SLC39A14: variants seen among roughly 807,000 people sequenced by gnomAD.
SLC39A14 encodes metal cation symporter ZIP14.
SLC39A14 carries 19 observed loss-of-function variants against 45.5 expected under a neutral mutation model. The ratio of observed to expected loss-of-function variants is 0.42; its 90% CI spans 0.29 to 0.61. The LOEUF (loss-of-function observed/expected upper bound fraction) is 0.61, where lower values mean the gene tolerates loss of function less well. Among genes scored for constraint, SLC39A14 ranks in the 20% least tolerant of loss-of-function variants. The probability of loss-of-function intolerance (pLI) is 0.22; values close to 1 mark genes in which losing one functional copy is unlikely to be tolerated. For synonymous variants in SLC39A14, 264 were observed against 251.3 expected (o/e 1.05, Z -0.48); for missense variants, 447 against 616.5 (o/e 0.73, Z 2.91).
chr8:22,379,762 G>C (rs921717704), intron 1 of SLC39A14, among the ~76,000 whole-genome samples: 6 of 151,672 alleles, frequency 4.0e-5, no homozygotes, highest in African/African-American at 1.2e-4. Context: ...AACCCCGTCT[G>C]TACTAAAAAT....
At chr8:22,376,527 G>A (rs963666503) in intron 1 of SLC39A14, among the ~76,000 whole-genome samples, 1 of 151,720 alleles carries the variant, frequency 6.6e-6, no homozygotes, top group Non-Finnish European at 1.5e-5. Flanking sequence ...TAGATTGGCT[G>A]GTGTCTGCTT....
intron 1 of SLC39A14, among the ~76,000 whole-genome samples, chr8:22,380,923 C>G (rs371998396): frequency 6.6e-6 from 1 of 152,036 alleles, no homozygotes; most frequent in Non-Finnish European, 1.5e-5. Context: ...ACAATCCACC[C>G]CCTTGGCCTC....
chr8:22,420,214 T>C lies in SLC39A14; in HGVS notation c.*516T>C. The C allele has an allele frequency of 1.0e-6, 1 of 985,862 alleles. No homozygotes were observed. Among genetic ancestry groups the C allele is most frequent in the Non-Finnish European group, 1.2e-6 (1 of 830,298 alleles). 61.1% of individuals were successfully genotyped at this position (985,862 alleles called of 1,614,324 possible). Reference sequence around the variant, plus strand: ...TTTTTTCAAAGTCTGTTTAATTGCCTATTACTTCTCTCAAAGAGAACCTGA... The same window carrying C: ...TTTTTTCAAAGTCTGTTTAATTGCCCATTACTTCTCTCAAAGAGAACCTGA... On this transcript the variant is annotated 3_prime_UTR_variant, in exon 9 of 9. Transcript: ENST00000381237.
intron 1 of SLC39A14, among the ~76,000 whole-genome samples, chr8:22,392,575 C>T (rs1472132708): frequency 6.6e-6 from 1 of 152,182 alleles, no homozygotes; most frequent in Non-Finnish European, 1.5e-5. Context: ...ACTTGGACGA[C>T]AGGGAGAATT....
intron 1 of SLC39A14, among the ~76,000 whole-genome samples, chr8:22,386,097 G>A (rs1323320985): frequency 1.3e-5 from 2 of 151,850 alleles, no homozygotes; most frequent in Non-Finnish European, 2.9e-5. Flanking sequence ...GCACCACTAC[G>A]CCTGGCTAAT....
At chr8:22,427,118 C>A (rs1836400488), downstream of SLC39A14, among the ~76,000 whole-genome samples, 1 of 151,892 alleles carries the variant, frequency 6.6e-6, no homozygotes, top group African/African-American at 2.4e-5. Flanking sequence ...CATGGAGAAA[C>A]CCTGTCTCTA....
rs781191016 is a variant in SLC39A14, at chr8:22,404,694, A to C, written c.-15-2A>C. ...AGCTTCACCTGCCTTTTTCTCTCAC[A>C]GGTTTATTCAGTCACCATGAAGCTG... On this transcript the variant is annotated splice_acceptor_variant, in intron 1 of 8. Coordinates refer to ENST00000381237, the MANE Select transcript of SLC39A14 (RefSeq NM_001128431.4). LOFTEE classifies it low-confidence loss of function (5UTR_SPLICE). 8.8e-6 allele frequency: 14 copies of C among 1,598,380 alleles called. No individual in the cohort carries two copies. Among genetic ancestry groups the C allele is most frequent in the Non-Finnish European group, 1.2e-5 (14 of 1,175,012 alleles).
intron 1 of SLC39A14, among the ~76,000 whole-genome samples, chr8:22,385,776 T>G (rs968619820): frequency 6.6e-6 from 1 of 151,970 alleles, no homozygotes; most frequent in Non-Finnish European, 1.5e-5. Flanking sequence ...GTGGGGGGAT[T>G]GTTTGAGGCC....
chr8:22,424,021 G>A (rs553455986), downstream of SLC39A14, among the ~76,000 whole-genome samples: 1 of 151,030 alleles, frequency 6.6e-6, no homozygotes, highest in Admixed American at 6.6e-5. Context: ...CGTTGCCCAA[G>A]CTAGCCTTGA....
rs797017124 is a variant in SLC39A14, at chr8:22,419,777, A to T, written c.*79A>T. 5.3e-6 allele frequency: 8 copies of T among 1,495,798 alleles called. No homozygotes were observed. The African/African-American group carries it at 1.1e-4, about 21-fold the overall frequency. 92.7% of individuals were successfully genotyped at this position (1,495,798 alleles called of 1,614,324 possible). On this transcript the variant is annotated 3_prime_UTR_variant, in exon 9 of 9. Coordinates refer to ENST00000381237, the MANE Select transcript of SLC39A14 (RefSeq NM_001128431.4). ...CCAGCCCGAGGACTTACCATCCACAATGCACCACGGAAGAGGCCGTTCTAT... is the reference window on the plus strand; with the variant it reads ...CCAGCCCGAGGACTTACCATCCACATTGCACCACGGAAGAGGCCGTTCTAT...
At position 22,407,442 on chromosome 8, in the gene SLC39A14, C is replaced by A. The variant is rs1002061539; in HGVS notation, c.271-868C>A. ...GTGGCGCGATCTCGGCTCGCTGCAA[C>A]CTCCACCTCCTGGGTTCAGGTGATT... is the stretch of plus-strand genomic sequence containing the variant. On this transcript the variant is annotated intron_variant, in intron 2 of 8. Transcript: ENST00000381237. 4.7e-5 allele frequency among the ~76,000 whole-genome samples: 7 copies of A among 147,994 alleles called. No individual in the cohort carries two copies. In the South Asian group the frequency reaches 1.5e-3, roughly 32 times the overall value.
chr8:22,426,601 G>A (rs576424825), downstream of SLC39A14, among the ~76,000 whole-genome samples: 10 of 152,284 alleles, frequency 6.6e-5, no homozygotes, highest in East Asian at 7.7e-4. Flanking sequence ...AAATCCATTC[G>A]TGTGACACAA....
chr8:22,411,769 C>T (rs1023991117), intron 3 of SLC39A14: 3 of 413,200 alleles, frequency 7.3e-6, no homozygotes, highest in African/African-American at 4.0e-5. Flanking sequence ...CACAGGGTTC[C>T]AAGGCCACCT....
At chr8:22,406,062 G>T (rs139055428) in intron 2 of SLC39A14, among the ~76,000 whole-genome samples, 2 of 152,198 alleles carry the variant, frequency 1.3e-5, no homozygotes, top group South Asian at 2.1e-4. Flanking sequence ...AGAAATGAGA[G>T]GGGGAGATGA....
At chr8:22,426,808 G>A (rs60384050), downstream of SLC39A14, among the ~76,000 whole-genome samples, 21 of 151,998 alleles carry the variant, frequency 1.4e-4, 1 homozygote, top group African/African-American at 3.6e-4. Context: ...CTCAGCCTCC[G>A]AAGTAGCTGG....
Position 22,404,807 on chromosome 8 carries a change from C to A in SLC39A14, c.97C>A (p.Leu33Met), listed in dbSNP as rs777889945. 1.2e-6 allele frequency: 2 copies of A among 1,613,424 alleles called. No homozygotes were observed. Among genetic ancestry groups the A allele is most frequent in the Non-Finnish European group, 1.7e-6 (2 of 1,179,520 alleles). The change falls in exon 2 of 9, where the codon CTG (leucine) becomes ATG (methionine). Residue 33 changes from leucine (L) to methionine (M), a missense_variant. Leu to Met is a conservative substitution (Grantham distance 15). Around this residue, in one of 2 missense-constraint regions of SLC39A14, gnomAD observed 342 missense variants for 428.1 expected, o/e 0.80. Transcript: ENST00000381237. ...RTTPEAHASS[L>M]GAPAISAASF... ...CACCCCTGAGGCTCACGCTTCATCC[C>A]TGGGTGCACCAGCTATCAGCGCTGC... is the stretch of plus-strand genomic sequence containing the variant.
chr8:22,406,499 C>T (rs1835221115), intron 2 of SLC39A14, among the ~76,000 whole-genome samples: 1 of 152,152 alleles, frequency 6.6e-6, no homozygotes, highest in Non-Finnish European at 1.5e-5. Flanking sequence ...CGAGACCATC[C>T]TGGCTAACAC....
intron 1 of SLC39A14, chr8:22,404,462 G>GTTT (rs61222646): frequency 9.0e-6 from 2 of 221,106 alleles, no homozygotes; most frequent in Non-Finnish European, 8.1e-6. Context: ...ATTGCTGTTT[G>GTTT]TTTTTTTTTT....
At chr8:22,430,652 G>A (rs1012420915) in intron 8 of SLC39A14, among the ~76,000 whole-genome samples, 1 of 152,120 alleles carries the variant, frequency 6.6e-6, no homozygotes, top group East Asian at 1.9e-4. Flanking sequence ...AGGAAGTGAC[G>A]GCAGCTTTGG....
Sources: allele counts gnomAD v4.1 joint callset (sites outside exome capture counted in the v4.1 genomes callset), GRCh38; gene constraint gnomAD v4.1.1; regional missense constraint gnomAD v4.1.1; transcripts MANE v1.5; gene names NCBI Gene and HGNC (gene_info 2026-07-23, HGNC 2026-07-21).